Variants in LGALS7B observed in about 807,000 individuals in gnomAD.
LGALS7B encodes galectin-7.
Under a neutral mutation model 7.6 loss-of-function variants are expected in LGALS7B, and 1 was observed. The ratio of observed to expected loss-of-function variants is 0.13; its 90% CI spans 0.05 to 0.62. The LOEUF (loss-of-function observed/expected upper bound fraction) is 0.62, where lower values mean the gene tolerates loss of function less well. Ranked by LOEUF, LGALS7B falls within the 20% of genes least tolerant of loss-of-function variation. The pLI is 0.87. For synonymous variants in LGALS7B, 7 were observed against 49.6 expected (o/e 0.14, Z 3.61); for missense variants, 17 against 109.4 (o/e 0.16, Z 3.77).
At chr19:38,790,430 GTTTT>G in intron 2 of LGALS7B, 1 of 590,908 alleles carries the variant, frequency 1.7e-6, no homozygotes, top group East Asian at 3.1e-5. Flanking sequence ...GGCGGTTTAT[GTTTT>G]GTTTGTTCTT....
Position 38,789,273 on chromosome 19 carries a change from G to C in LGALS7B, c.6+41G>C, listed in dbSNP as rs1280190310. On this transcript the variant is annotated intron_variant, in intron 1 of 3. Transcript: ENST00000314980. ...GCCCGGGGCGGGGCCAAGCAGGGAG[G>C]GGGCTGGGGGCTCCTCTTTCAAAGG... is the stretch of plus-strand genomic sequence containing the variant. 2.2e-5 allele frequency: 13 copies of C among 602,500 alleles called. No homozygotes were observed. In the African/African-American group the frequency reaches 2.7e-4, roughly 12 times the overall value. The allele number at this position is 602,500 out of a possible 1,614,324, so 37.3% of individuals were successfully genotyped here.
chr19:38,790,447 G>GT (rs1235739529), intron 2 of LGALS7B: 19 of 602,686 alleles, frequency 3.2e-5, no homozygotes, highest in Admixed American at 5.9e-5. Flanking sequence ...TTGTTCTTTC[G>GT]TTTTTTTGTA....
chr19:38,790,314 C>T (rs943213563), intron 2 of LGALS7B, among the ~76,000 whole-genome samples: 7 of 152,156 alleles, frequency 4.6e-5, no homozygotes, highest in South Asian at 2.1e-4. Flanking sequence ...GGTCATTAGT[C>T]GCCCACCTCT....
At chr19:38,790,647 G>C in intron 2 of LGALS7B, 42 bp from the exon 3 acceptor site, 1 of 1,609,976 alleles carries the variant, frequency 6.2e-7, no homozygotes, top group Non-Finnish European at 8.5e-7. Context: ...TCTTGGTCTG[G>C]GTGGTTTCTG....
At position 38,791,595 on chromosome 19, in the gene LGALS7B, G is replaced by GC; in HGVS notation, c.316dup (p.Gln106ProfsTer46). The GC allele has an allele frequency of 2.1e-6, 1 of 484,708 alleles. No homozygotes were observed. The highest frequency in any genetic ancestry group is 3.6e-6 in the Non-Finnish European group (1 of 281,084). 30.0% of individuals were successfully genotyped at this position (484,708 alleles called of 1,614,324 possible). On this transcript the variant is annotated frameshift_variant, in exon 4 of 4. Coordinates refer to ENST00000314980, the MANE Select transcript of LGALS7B (RefSeq NM_001042507.4). LOFTEE classifies it low-confidence loss of function (END_TRUNC). Reference sequence around the variant, plus strand: ...TCCCCTGCAGGCCGTGGTTGGGGACGCCCAGTACCACCACTTCCGCCACCG... The same window carrying GC: ...TCCCCTGCAGGCCGTGGTTGGGGACGCCCCAGTACCACCACTTCCGCCACCG...
rs1971258724 is a variant in LGALS7B at position 38,790,854 on chromosome 19, C to A, written c.261C>A (p.Phe87Leu). Residue 87 changes from phenylalanine (F) to leucine (L), a missense_variant, in exon 3 of 4, where the codon TTC (phenylalanine) becomes TTA (leucine). Coordinates refer to ENST00000314980, the MANE Select transcript of LGALS7B (RefSeq NM_001042507.4). ...TTCCTTTCCAGCGCGGGCAGCCCTTCGAGGTGCTCATCATCGCGTCAGACG... is the reference window on the plus strand; with the variant it reads ...TTCCTTTCCAGCGCGGGCAGCCCTTAGAGGTGCTCATCATCGCGTCAGACG... ...PGVPFQRGQPFEVLIIASDDG... is the reference protein window; with the variant it reads ...PGVPFQRGQPLEVLIIASDDG... 1 of 1,603,704 alleles carries A rather than the reference C, an allele frequency of 6.2e-7. No homozygotes were observed. The highest frequency in any genetic ancestry group is 1.7e-5 in the Admixed American group (1 of 58,706).
At chr19:38,790,317 C>T (rs542291003) in intron 2 of LGALS7B, among the ~76,000 whole-genome samples, 7 of 152,266 alleles carry the variant, frequency 4.6e-5, no homozygotes, top group African/African-American at 1.4e-4. Flanking sequence ...CATTAGTCGC[C>T]CACCTCTCCT....
chr19:38,790,409 A>C, intron 2 of LGALS7B: 1 of 589,458 alleles, frequency 1.7e-6, no homozygotes, highest in Non-Finnish European at 3.0e-6. Flanking sequence ...TAAGACCTTC[A>C]CTTTGGTCTG....
At chr19:38,790,485 C>T in intron 2 of LGALS7B, 1 of 634,930 alleles carries the variant, frequency 1.6e-6, no homozygotes, top group Non-Finnish European at 2.9e-6. Flanking sequence ...GTTGCCCAGG[C>T]TGGTCTTTAA....
At chr19:38,790,621 C>G (rs1239336701) in intron 2 of LGALS7B, 68 bp from the exon 3 acceptor site, 5 of 1,553,928 alleles carry the variant, frequency 3.2e-6, no homozygotes, top group Non-Finnish European at 3.5e-6. Context: ...CATCGGTATT[C>G]CTCACCCTCA....
At chr19:38,789,270 G>A (rs1334167138) in intron 1 of LGALS7B, 38 bp downstream of exon 1, 32 of 658,568 alleles carry the variant, frequency 4.9e-5, no homozygotes. Flanking sequence ...GCCAAGCAGG[G>A]AGGGGGCTGG....
At chr19:38,790,657 G>A in intron 2 of LGALS7B, 32 bp from the exon 3 acceptor site, 1 of 1,612,332 alleles carries the variant, frequency 6.2e-7, no homozygotes, top group Non-Finnish European at 8.5e-7. Flanking sequence ...GGTGGTTTCT[G>A]AGCCCTGACG....
At chr19:38,790,985 TC>T (rs1971260175) in intron 3 of LGALS7B, 95 bp downstream of exon 3, 7 of 1,181,832 alleles carry the variant, frequency 5.9e-6, no homozygotes, top group Non-Finnish European at 8.3e-6. Flanking sequence ...GCAGGGAGGT[TC>T]GGGGCGGGGT....
In LGALS7B at chr19:38,789,215, C is replaced by A; in HGVS notation, c.-12C>A. 1.1e-6 allele frequency: 1 copy of A among 948,756 alleles called. No homozygotes were observed. Among genetic ancestry groups the A allele is most frequent in the East Asian group, 3.4e-5 (1 of 29,534 alleles). 58.8% of individuals were successfully genotyped at this position (948,756 alleles called of 1,614,324 possible). Reference sequence around the variant, plus strand: ...GGCCCCACCACCACGGCTGCCCAACCCGGTCCCAGCCATGTCCGTGAGTGC... The same window carrying A: ...GGCCCCACCACCACGGCTGCCCAACACGGTCCCAGCCATGTCCGTGAGTGC... On this transcript the variant is annotated 5_prime_UTR_variant, in exon 1 of 4. Transcript: ENST00000314980.
At chr19:38,791,087 CAG>C (rs1425973783) in intron 3 of LGALS7B, among the ~76,000 whole-genome samples, 197 bp downstream of exon 3, 4 of 115,736 alleles carry the variant, frequency 3.5e-5, no homozygotes, top group East Asian at 3.3e-4. Flanking sequence ...GTCCGAGGGA[CAG>C]AGAGACAGCA....
rs548125638 is a variant in LGALS7B at position 38,790,766 on chromosome 19, C to G, written c.173C>G (p.Ser58Trp). The G allele has an allele frequency of 2.7e-4, 432 of 1,611,640 alleles. 22 individuals are homozygous for G. In the South Asian group the frequency reaches 3.7e-3, roughly 14 times the overall value. Reference protein sequence around the residue: ...ALHFNPRLDTSEVVFNSKEQG... With the variant: ...ALHFNPRLDTWEVVFNSKEQG... Reference sequence around the variant, plus strand: ...CATTTCAACCCCCGGCTGGACACGTCGGAGGTGGTCTTCAACAGCAAGGAG... The same window carrying G: ...CATTTCAACCCCCGGCTGGACACGTGGGAGGTGGTCTTCAACAGCAAGGAG... Residue 58 changes from serine (S) to tryptophan (W), a missense_variant, in exon 3 of 4, where the codon TCG becomes TGG. Physicochemically the swap from Ser to Trp is radical, Grantham distance 177. This residue lies in a region of LGALS7B where 17 missense variants were observed against 53.9 expected (regional missense o/e 0.32). Transcript: ENST00000314980.
intron 2 of LGALS7B, 47 bp from the exon 3 acceptor site, chr19:38,790,642 G>T: frequency 6.2e-7 from 1 of 1,607,656 alleles, no homozygotes; most frequent in Non-Finnish European, 8.5e-7. Context: ...ACATTTCTTG[G>T]TCTGGGTGGT....
intron 2 of LGALS7B, chr19:38,790,469 C>T (rs62121416): frequency 0.34 from 195,826 of 583,538 alleles, 27,686 homozygotes; most frequent in East Asian, 0.52. Context: ...GGTGGGGTCT[C>T]GCTATGTTGC....
chr19:38,790,240 GT>G (rs1172466170), intron 2 of LGALS7B, among the ~76,000 whole-genome samples: 1 of 151,048 alleles, frequency 6.6e-6, no homozygotes, highest in African/African-American at 2.4e-5. Flanking sequence ...AGTGAGTTTG[GT>G]CTGGGTAGGT....
Sources: allele counts gnomAD v4.1 joint callset (sites outside exome capture counted in the v4.1 genomes callset), GRCh38; gene constraint gnomAD v4.1.1; regional missense constraint gnomAD v4.1.1; transcripts MANE v1.5; gene names NCBI Gene and HGNC (gene_info 2026-07-23, HGNC 2026-07-21).